The following ZNF782 variants were observed in gnomAD, a reference collection of about 807,000 sequenced individuals.
The protein encoded by ZNF782 is zinc finger protein 782.
In ZNF782, 12 loss-of-function variants were observed where a neutral mutation model predicts 13.0. The ratio of observed to expected loss-of-function variants is 0.92; its 90% CI spans 0.59 to 1.50. The LOEUF (loss-of-function observed/expected upper bound fraction) is 1.50, where lower values mean the gene tolerates loss of function less well. Among genes scored for constraint, ZNF782 ranks in the 40% most tolerant of loss-of-function variants. The pLI is 0.00. For synonymous variants in ZNF782, 284 were observed against 283.0 expected, an observed-to-expected ratio of 1.00 and a Z score of -0.04; for missense variants, 770 against 822.9, an observed-to-expected ratio of 0.94 and a Z score of 0.79.
At chr9:96,838,132 TTTTC>T (rs1210372775) in intron 4 of ZNF782, among the ~76,000 whole-genome samples, 24 of 152,330 alleles carry the variant, frequency 1.6e-4, no homozygotes, top group African/African-American at 5.5e-4. Flanking sequence ...TACTGAGAAT[TTTTC>T]TTTGACTCAT....
chr9:96,818,319 C>T lies in ZNF782; in HGVS notation c.1704G>A (p.Gly568=). Residue 568 remains glycine (G), a synonymous_variant, in exon 6 of 6, where the codon GGG becomes GGA. Coordinates refer to ENST00000481138, the MANE Select transcript of ZNF782 (RefSeq NM_001001662.3). ...GGTTTGATTTCTGACTGAAAGCTTC[C>T]CCACAATGATTACATTTATAGGGTT... ...GEKPYKCNHC[G]EAFSQKSNLR... The T allele has an allele frequency of 6.2e-7, 1 of 1,614,040 alleles. No homozygotes were observed. The highest frequency in any genetic ancestry group is 8.5e-7 in the Non-Finnish European group (1 of 1,179,998).
At chr9:96,886,196 T>C in the ZNF782 span, among the ~76,000 whole-genome samples, 4 of 147,306 alleles carry the variant, frequency 2.7e-5, no homozygotes, top group South Asian at 8.4e-4. Flanking sequence ...TAGAAAGCAA[T>C]TTTTAAGTAC....
the ZNF782 span, among the ~76,000 whole-genome samples, chr9:96,905,166 G>A: frequency 7.5e-6 from 1 of 133,206 alleles, no homozygotes; most frequent in African/African-American, 4.1e-5. Flanking sequence ...CTGAGTCACA[G>A]GATGAGATAC....
intron 5 of ZNF782, among the ~76,000 whole-genome samples, chr9:96,823,859 A>G (rs1378465179): frequency 1.3e-5 from 2 of 152,174 alleles, no homozygotes; most frequent in Non-Finnish European, 2.9e-5. Flanking sequence ...TTTTGTGTAG[A>G]TAAGAGTTGA....
chr9:96,818,125 A>G lies in ZNF782; in HGVS notation c.1898T>C (p.Leu633Pro). ...GGTGTGAGTTCGCTGATGTTTTCTT[A>G]GGACTGACTTCTCACTGAAAGCTTT... ...CGKAFSEKSV[L>P]RKHQRTHTGE... The change falls in exon 6 of 6, where the codon CTA becomes CCA. Residue 633 changes from leucine to proline, a missense_variant. By Grantham distance (98) the Leu-to-Pro change is moderately conservative (BLOSUM62 -3). Coordinates refer to ENST00000481138, the MANE Select transcript of ZNF782 (RefSeq NM_001001662.3). 6.2e-7 allele frequency: 1 copy of G among 1,613,938 alleles called. No individual in the cohort carries two copies. The highest frequency in any genetic ancestry group is 8.5e-7 in the Non-Finnish European group (1 of 1,180,000).
At chr9:96,901,564 GC>G in the ZNF782 span, among the ~76,000 whole-genome samples, 1 of 151,758 alleles carries the variant, frequency 6.6e-6, no homozygotes, top group African/African-American at 2.4e-5. Flanking sequence ...GAGCCGCTGC[GC>G]CCAGCCTGAT....
At chr9:96,887,684 T>A in the ZNF782 span, 1 of 152,090 alleles carries the variant, frequency 6.6e-6, no homozygotes, top group African/African-American at 2.4e-5. Context: ...ACCCAAAGGA[T>A]TATAAATCAT....
intron 1 of ZNF782, among the ~76,000 whole-genome samples, chr9:96,875,112 G>A (rs1455816202): frequency 2.6e-5 from 4 of 152,184 alleles, no homozygotes; most frequent in African/African-American, 7.2e-5. Context: ...ACCTGAGACC[G>A]GAAATAAATC....
intron 4 of ZNF782, among the ~76,000 whole-genome samples, chr9:96,832,347 A>C (rs1020824420): frequency 6.6e-6 from 1 of 152,182 alleles, no homozygotes; most frequent in Non-Finnish European, 1.5e-5. Context: ...GAGAATGTTC[A>C]ATTTTTCCCT....
chr9:96,910,643 T>G, the ZNF782 span, among the ~76,000 whole-genome samples: 5,203 of 150,266 alleles, frequency 0.035, 211 homozygotes, highest in East Asian at 0.3. Flanking sequence ...TTTTTTCTTT[T>G]TTCTTTTTTT....
the ZNF782 span, chr9:96,898,088 C>T: frequency 6.7e-6 from 1 of 148,854 alleles, no homozygotes; most frequent in African/African-American, 2.5e-5. Flanking sequence ...TCTTTAACTG[C>T]ATACAGGTTT....
chr9:96,828,397 A>C (rs947671851), intron 4 of ZNF782, among the ~76,000 whole-genome samples: 10 of 152,258 alleles, frequency 6.6e-5, no homozygotes, highest in African/African-American at 2.4e-4. Context: ...AGAAATATGT[A>C]AAAGAATACA....
chr9:96,845,663 A>T (rs1423396005), intron 3 of ZNF782, among the ~76,000 whole-genome samples: 3 of 151,542 alleles, frequency 2.0e-5, no homozygotes, highest in African/African-American at 4.9e-5. Context: ...AAAAAAGAAT[A>T]AAAAGAAACG....
the ZNF782 span, chr9:96,890,350 C>A: frequency 6.6e-6 from 1 of 152,316 alleles, no homozygotes; most frequent in Non-Finnish European, 1.5e-5. Flanking sequence ...GAGCATCTCT[C>A]CAATTCTGTC....
intron 4 of ZNF782, among the ~76,000 whole-genome samples, chr9:96,836,338 G>C (rs138576148): frequency 6.6e-6 from 1 of 150,614 alleles, no homozygotes; most frequent in Non-Finnish European, 1.5e-5. Flanking sequence ...TCAGCCTCCC[G>C]CGTAGCTGAG....
upstream of ZNF782, among the ~76,000 whole-genome samples, chr9:96,878,348 A>T (rs1438762859): frequency 6.6e-6 from 1 of 151,880 alleles, no homozygotes; most frequent in Non-Finnish European, 1.5e-5. Context: ...CCGCGTCCGG[A>T]CTCCCTTGCT....
the ZNF782 span, among the ~76,000 whole-genome samples, chr9:96,907,553 G>T: frequency 6.6e-6 from 1 of 152,404 alleles, no homozygotes; most frequent in African/African-American, 2.4e-5. Context: ...ATCTATGTGT[G>T]GGTCCCATTC....
chr9:96,877,814 T>C (rs57920353), upstream of ZNF782, among the ~76,000 whole-genome samples: 4,413 of 152,256 alleles, frequency 0.029, 230 homozygotes, highest in African/African-American at 0.1. Context: ...TGTGTGCTTT[T>C]TGGGGGGAAG....
At chr9:96,923,298 C>G in the ZNF782 span, among the ~76,000 whole-genome samples, 2 of 150,464 alleles carry the variant, frequency 1.3e-5, no homozygotes, top group Admixed American at 1.3e-4. Flanking sequence ...TCCAGTCCCA[C>G]AATACCTGCA....
Sources: gnomAD v4.1 joint callset for allele counts (sites outside exome capture counted in the v4.1 genomes callset) on GRCh38, gnomAD v4.1.1 for gene constraint, MANE v1.5 for transcripts, NCBI Gene and HGNC (gene_info 2026-07-23, HGNC 2026-07-21) for gene names.